Variants in IFT22 observed in about 807,000 individuals in gnomAD.
IFT22 encodes the protein intraflagellar transport 22.
IFT22 carries 13 observed loss-of-function variants against 21.0 expected under a neutral mutation model. The observed-to-expected ratio is 0.62, with a 90% CI of 0.40 to 0.98. The LOEUF (loss-of-function observed/expected upper bound fraction) is 0.98, where lower values mean the gene tolerates loss of function less well. Ranked by LOEUF, IFT22 falls within the 50% of genes least tolerant of loss-of-function variation. IFT22 has a pLI of 0.00. For missense variants in IFT22, 227 were observed against 228.9 expected, an observed-to-expected ratio of 0.99 and a Z score of 0.06; for synonymous variants, 67 against 82.4, an observed-to-expected ratio of 0.81 and a Z score of 1.01.
chr7:101,321,189 G>T (rs1004751375), intron 1 of IFT22, among the ~76,000 whole-genome samples: 1 of 152,108 alleles, frequency 6.6e-6, no homozygotes, highest in African/African-American at 2.4e-5. Context: ...CGGGCGTGGT[G>T]GTGCACGCCT....
chr7:101,318,560 T>C, intron 2 of IFT22: 1 of 268,402 alleles, frequency 3.7e-6, no homozygotes, highest in Non-Finnish European at 7.1e-6. Context: ...ATAATGAGGC[T>C]GCATTACACT....
At chr7:101,318,870 G>T in intron 2 of IFT22, 86 bp downstream of exon 2, 4 of 1,068,822 alleles carry the variant, frequency 3.7e-6, no homozygotes, top group Non-Finnish European at 5.8e-6. Flanking sequence ...CTCCCGCTTT[G>T]ACCTCCCAGA....
At chr7:101,315,377 G>T in intron 4 of IFT22, 95 bp from the exon 5 acceptor site, 1 of 1,317,422 alleles carries the variant, frequency 7.6e-7, no homozygotes, top group Non-Finnish European at 1.1e-6. Context: ...TTAACTTTCT[G>T]AAGTTCACAG....
At position 101,319,031 on chromosome 7, in the gene IFT22, C is replaced by A; in HGVS notation, c.41G>T (p.Ser14Ile). 6.2e-7 allele frequency: 1 copy of A among 1,613,774 alleles called. No homozygotes were observed. The highest frequency in any genetic ancestry group is 2.2e-5 in the East Asian group (1 of 44,860). The change falls in exon 2 of 5, where the codon AGT becomes ATT. Residue 14 changes from serine (S) to isoleucine (I), a missense_variant and splice_region_variant. Transcript: ENST00000315322. ...AAAGTTGGCCAAAACAGTTTTTCCA[C>A]TCTGTGAAAATGAGTGCAAATAAAG... is the stretch of plus-strand genomic sequence containing the variant. Reference protein sequence around the residue: ...AKILFVGPCESGKTVLANFLT... With the variant: ...AKILFVGPCEIGKTVLANFLT...
chr7:101,319,641 CTTTTTT>C (rs11443697), intron 1 of IFT22, among the ~76,000 whole-genome samples: 1 of 111,820 alleles, frequency 8.9e-6, no homozygotes, highest in Admixed American at 1.1e-4. Flanking sequence ...ATACACATTG[CTTTTTT>C]TTTTTTTTTT....
rs1427690610 is a variant in IFT22, at chr7:101,312,398, C to G, written c.*2736G>C. On this transcript the variant is annotated 3_prime_UTR_variant, in exon 5 of 5. Coordinates refer to ENST00000315322, the MANE Select transcript of IFT22 (RefSeq NM_022777.4). ...TGAGCTGTGGTCATGCCACTGCACTCCAGCCGGGATGACAGAGTGACACCG... is the reference window on the plus strand; with the variant it reads ...TGAGCTGTGGTCATGCCACTGCACTGCAGCCGGGATGACAGAGTGACACCG... Among the ~76,000 whole-genome samples the G allele has an allele frequency of 6.6e-6, 1 of 152,020 alleles. No homozygotes were observed. The highest frequency in any genetic ancestry group is 6.6e-5 in the Admixed American group (1 of 15,240).
intron 3 of IFT22, among the ~76,000 whole-genome samples, chr7:101,316,863 G>A (rs539701493): frequency 6.6e-6 from 1 of 152,238 alleles, no homozygotes; most frequent in South Asian, 2.1e-4. Context: ...GGCAGAGCTT[G>A]CAGTGAGCTG....
intron 4 of IFT22, chr7:101,315,586 G>T: frequency 3.0e-6 from 1 of 338,230 alleles, no homozygotes; most frequent in Non-Finnish European, 5.4e-6. Flanking sequence ...CCTCTGGGAT[G>T]TGTGTTATGT....
intron 4 of IFT22, 117 bp downstream of exon 4, chr7:101,316,223 A>G: frequency 1.1e-6 from 1 of 932,276 alleles, no homozygotes; most frequent in Non-Finnish European, 1.7e-6. Flanking sequence ...ACAATTGCCT[A>G]GGGTACAGTA....
chr7:101,320,237 G>A (rs541005422), intron 1 of IFT22, among the ~76,000 whole-genome samples: 6 of 151,052 alleles, frequency 4.0e-5, no homozygotes, highest in East Asian at 3.9e-4. Flanking sequence ...GATTAGAAGC[G>A]TGAGCCTCCG....
chr7:101,312,168 C>T lies in IFT22; in HGVS notation c.*2966G>A, dbSNP rs1392112844. 1.3e-5 allele frequency among the ~76,000 whole-genome samples: 2 copies of T among 152,184 alleles called. No homozygotes were observed. Among genetic ancestry groups the T allele is most frequent in the East Asian group, 1.9e-4 (1 of 5,174 alleles). On this transcript the variant is annotated 3_prime_UTR_variant, in exon 5 of 5. Coordinates refer to ENST00000315322, the MANE Select transcript of IFT22 (RefSeq NM_022777.4). ...CCTGTAATCCCACCACTTTGGGAGG[C>T]TGAGACGGGCGGATCACTCAAGGAC...
At position 101,315,061 on chromosome 7, in the gene IFT22, G is replaced by A; in HGVS notation, c.*73C>T. ...AGGGAGAAGAAAACATCAGGAGCTGGATGTGATTTCAGATCTGCACCGAGA... is the reference window on the plus strand; with the variant it reads ...AGGGAGAAGAAAACATCAGGAGCTGAATGTGATTTCAGATCTGCACCGAGA... On this transcript the variant is annotated 3_prime_UTR_variant, in exon 5 of 5. Coordinates refer to ENST00000315322, the MANE Select transcript of IFT22 (RefSeq NM_022777.4). 1 of 1,495,576 alleles carries A rather than the reference G, an allele frequency of 6.7e-7. No homozygotes were observed. The highest frequency in any genetic ancestry group is 9.1e-7 in the Non-Finnish European group (1 of 1,099,288). The allele number at this position is 1,495,576 out of a possible 1,614,324, so 92.6% of individuals were successfully genotyped here. A position where few individuals can be genotyped will look rare whatever the true frequency, so the allele number is the denominator to read the frequency against.
intron 3 of IFT22, 96 bp from the exon 4 acceptor site, chr7:101,316,638 A>C (rs541466217): frequency 6.1e-6 from 8 of 1,312,142 alleles, no homozygotes; most frequent in Non-Finnish European, 7.4e-6. Flanking sequence ...AAGTTGGTCT[A>C]TGACGGCTGG....
Position 101,311,142 on chromosome 7 carries a change from C to T in IFT22, c.*3992G>A, listed in dbSNP as rs371483792. The stretch of plus-strand genomic sequence containing the variant: ...CTGAGTAGCTGGGACTACAGGTGCC[C>T]GCCACCACACCCGGCTTATTTTTTG... On this transcript the variant is annotated 3_prime_UTR_variant, in exon 5 of 5. Coordinates refer to ENST00000315322, the MANE Select transcript of IFT22 (RefSeq NM_022777.4). Among the ~76,000 whole-genome samples, 16 of 151,854 alleles carry T rather than the reference C, an allele frequency of 1.1e-4. No homozygotes were observed. The highest frequency in any genetic ancestry group is 2.1e-4 in the South Asian group (1 of 4,794).
In IFT22 at chr7:101,312,598, C is replaced by T. The variant is rs181967821; in HGVS notation, c.*2536G>A. 9.7e-4 allele frequency among the ~76,000 whole-genome samples: 130 copies of T among 134,260 alleles called. No homozygotes were observed. In the East Asian group the frequency reaches 0.02, roughly 21 times the overall value. The allele number at this position is 134,260 out of a possible 152,430, so 88.1% of individuals were successfully genotyped here. A position where few individuals can be genotyped will look rare whatever the true frequency, so the allele number is the denominator to read the frequency against. Reference sequence around the variant, plus strand: ...TTGCCGAGGCTGGAGAGCAGTGGCGCGATCTTGGCTCACTGCAACCTCTGC... The same window carrying T: ...TTGCCGAGGCTGGAGAGCAGTGGCGTGATCTTGGCTCACTGCAACCTCTGC... On this transcript the variant is annotated 3_prime_UTR_variant, in exon 5 of 5. Transcript: ENST00000315322.
chr7:101,321,654 G>C lies in IFT22; in HGVS notation c.39+17C>G, dbSNP rs1338388830. 5 of 1,592,458 alleles carry C rather than the reference G, an allele frequency of 3.1e-6. No individual in the cohort carries two copies. In the East Asian group the frequency reaches 9.1e-5, roughly 29 times the overall value. ...GCCTGCTCCCCGCTCCCTCTGCCGC[G>C]CCGGGCCAGGACTTACCTCGCAAGG... On this transcript the variant is annotated intron_variant, in intron 1 of 4. Transcript: ENST00000315322.
In IFT22 at chr7:101,312,991, GC is replaced by G. The variant is rs1474504342; in HGVS notation, c.*2142del. On this transcript the variant is annotated 3_prime_UTR_variant, in exon 5 of 5. Coordinates refer to ENST00000315322, the MANE Select transcript of IFT22 (RefSeq NM_022777.4). The stretch of plus-strand genomic sequence containing the variant: ...TGGGATTACAGGCACGTGCTACCAC[GC>G]CCAGCTAATTTTTGTATTTTTAGTA... Among the ~76,000 whole-genome samples the G allele has an allele frequency of 6.6e-5, 10 of 151,570 alleles. No homozygotes were observed. Among genetic ancestry groups the G allele is most frequent in the African/African-American group, 2.4e-4 (10 of 41,278 alleles).
At chr7:101,318,034 CT>C in intron 3 of IFT22, 89 bp downstream of exon 3, 1 of 1,127,940 alleles carries the variant, frequency 8.9e-7, no homozygotes, top group Non-Finnish European at 1.3e-6. Context: ...TCCCAAAGTG[CT>C]GGAATTACAG....
chr7:101,316,132 G>A (rs932568886), intron 4 of IFT22: 13 of 554,072 alleles, frequency 2.3e-5, no homozygotes, highest in African/African-American at 2.1e-4. Flanking sequence ...CTGAGTAGCT[G>A]GGAGTACAGG....
Sources: gnomAD v4.1 joint callset for allele counts (sites outside exome capture counted in the v4.1 genomes callset) on GRCh38, gnomAD v4.1.1 for gene constraint, MANE v1.5 for transcripts, NCBI Gene and HGNC (gene_info 2026-07-23, HGNC 2026-07-21) for gene names.